Variants in ANKH observed in about 807,000 individuals in gnomAD.
ANKH encodes the protein ANKH inorganic pyrophosphate transport regulator.
In ANKH, 15 loss-of-function variants were observed where a neutral mutation model predicts 49.0. That is an observed-to-expected ratio of 0.31 (90% confidence interval 0.20 to 0.47). ANKH has a LOEUF of 0.47. Among genes scored for constraint, ANKH ranks in the 20% least tolerant of loss-of-function variants. The pLI, the probability that ANKH is intolerant of heterozygous loss-of-function variation, is 1.00. For synonymous variants in ANKH, 273 were observed against 260.0 expected, an observed-to-expected ratio of 1.05 and a Z score of -0.48; for missense variants, 429 against 652.0, an observed-to-expected ratio of 0.66 and a Z score of 3.72.
At chr5:14,757,722 T>C (rs1012546622) in intron 3 of ANKH, among the ~76,000 whole-genome samples, 2 of 152,114 alleles carry the variant, frequency 1.3e-5, no homozygotes, top group Non-Finnish European at 2.9e-5. Context: ...TTTATCTGCA[T>C]CAAAATTTTC....
At chr5:14,765,979 A>T (rs1474182005) in intron 2 of ANKH, among the ~76,000 whole-genome samples, 3 of 152,228 alleles carry the variant, frequency 2.0e-5, no homozygotes, top group East Asian at 1.9e-4. Flanking sequence ...GGGGGAAAAA[A>T]GTCTAAGATA....
intron 1 of ANKH, among the ~76,000 whole-genome samples, chr5:14,851,859 T>C (rs996658665): frequency 2.6e-5 from 4 of 152,220 alleles, no homozygotes; most frequent in Non-Finnish European, 5.9e-5. Flanking sequence ...AATGCAAACA[T>C]TGCTTTTTAC....
intron 11 of ANKH, among the ~76,000 whole-genome samples, chr5:14,711,549 C>A (rs1264357596): frequency 1.3e-5 from 2 of 152,178 alleles, no homozygotes; most frequent in Non-Finnish European, 2.9e-5. Context: ...CGGAGGACAC[C>A]ATGTCCCACT....
intron 8 of ANKH, among the ~76,000 whole-genome samples, chr5:14,728,898 G>A (rs988227676): frequency 3.3e-5 from 5 of 152,096 alleles, no homozygotes; most frequent in Non-Finnish European, 4.4e-5. Flanking sequence ...TTGGGGTGCC[G>A]GCCCAAGCAG....
At chr5:14,751,292 G>A in intron 4 of ANKH, 53 bp from the exon 5 acceptor site, 4 of 1,572,986 alleles carry the variant, frequency 2.5e-6, no homozygotes, top group African/African-American at 1.4e-5. Context: ...GGAACCGACT[G>A]ACAGAAGCAC....
At chr5:14,748,007 T>C (rs76568749) in intron 6 of ANKH, among the ~76,000 whole-genome samples, 4,294 of 152,246 alleles carry the variant, frequency 0.028, 200 homozygotes, top group African/African-American at 0.098. Context: ...GACCAATAAA[T>C]GCCAGTGCTG....
chr5:14,819,895 A>C (rs76157135), intron 1 of ANKH, among the ~76,000 whole-genome samples: 4 of 103,242 alleles, frequency 3.9e-5, no homozygotes, highest in Admixed American at 1.2e-4. Context: ...ACAACAACAA[A>C]AATATACACA....
At chr5:14,867,050 G>A (rs182290809) in intron 1 of ANKH, among the ~76,000 whole-genome samples, 4 of 151,856 alleles carry the variant, frequency 2.6e-5, no homozygotes, top group Non-Finnish European at 4.4e-5. Context: ...CCCGCTACTC[G>A]GGGGACTGAG....
At chr5:14,726,516 A>C (rs1399070058) in intron 8 of ANKH, among the ~76,000 whole-genome samples, 2 of 152,040 alleles carry the variant, frequency 1.3e-5, no homozygotes, top group Non-Finnish European at 2.9e-5. Flanking sequence ...GGGAAGGGAG[A>C]AGAACCAATG....
chr5:14,833,308 G>A (rs1741555025), intron 1 of ANKH, among the ~76,000 whole-genome samples: 2 of 152,198 alleles, frequency 1.3e-5, no homozygotes, highest in Admixed American at 6.5e-5. Context: ...TGTCTGTCTT[G>A]ATATTCCAAC....
chr5:14,863,613 T>C (rs937192908), intron 1 of ANKH, among the ~76,000 whole-genome samples: 3 of 152,204 alleles, frequency 2.0e-5, no homozygotes, highest in African/African-American at 7.2e-5. Flanking sequence ...TTTTTCTCTA[T>C]TGCATCTCTG....
chr5:14,796,951 G>GC (rs1227710039), intron 1 of ANKH, among the ~76,000 whole-genome samples: 2 of 152,102 alleles, frequency 1.3e-5, no homozygotes, highest in South Asian at 2.1e-4. Flanking sequence ...GTTGAATCAA[G>GC]CCCCCCATTA....
intron 8 of ANKH, chr5:14,724,495 G>C (rs891834441): frequency 2.1e-6 from 2 of 951,300 alleles, no homozygotes; most frequent in Non-Finnish European, 2.5e-6. Context: ...AATAGGATCA[G>C]AAGGATCAGT....
chr5:14,864,373 GA>G (rs1217999593), intron 1 of ANKH, among the ~76,000 whole-genome samples: 1 of 152,094 alleles, frequency 6.6e-6, no homozygotes, highest in Non-Finnish European at 1.5e-5. Context: ...ATGAGTAAAC[GA>G]GTAAACAAAC....
chr5:14,809,519 C>A (rs1382242211), intron 1 of ANKH, among the ~76,000 whole-genome samples: 1 of 152,060 alleles, frequency 6.6e-6, no homozygotes, highest in Non-Finnish European at 1.5e-5. Context: ...CGTGCCACTG[C>A]ACTCCAACGT....
chr5:14,787,157 T>C (rs1375464118), intron 1 of ANKH, among the ~76,000 whole-genome samples: 1 of 151,972 alleles, frequency 6.6e-6, no homozygotes, highest in Non-Finnish European at 1.5e-5. Flanking sequence ...CTACTAAAAA[T>C]ACAAAGATTA....
chr5:14,731,323 A>C (rs941923194), intron 8 of ANKH, among the ~76,000 whole-genome samples: 2 of 152,164 alleles, frequency 1.3e-5, no homozygotes, highest in South Asian at 4.1e-4. Context: ...TGTCCATAAG[A>C]ACGTAAGAAC....
chr5:14,834,219 A>C (rs1741589375), intron 1 of ANKH, among the ~76,000 whole-genome samples: 1 of 126,826 alleles, frequency 7.9e-6, no homozygotes, highest in Non-Finnish European at 1.6e-5. Context: ...AAGTGATCTC[A>C]CATCTTTGAC....
At chr5:14,812,932 A>G (rs180871847) in intron 1 of ANKH, among the ~76,000 whole-genome samples, 34 of 152,346 alleles carry the variant, frequency 2.2e-4, no homozygotes, top group African/African-American at 7.5e-4. Context: ...AAATAAGCAG[A>G]GTACTACATT....
Sources: allele counts gnomAD v4.1 joint callset (sites outside exome capture counted in the v4.1 genomes callset), GRCh38; gene constraint gnomAD v4.1.1; transcripts MANE v1.5; gene names NCBI Gene and HGNC (gene_info 2026-07-23, HGNC 2026-07-21).